The following PLXDC2 variants were observed in gnomAD, a reference collection of about 807,000 sequenced individuals.
PLXDC2 encodes the protein plexin domain containing 2, also known as plexin domain-containing protein 2.
Under a neutral mutation model 68.9 loss-of-function variants are expected in PLXDC2, and 40 were observed. The ratio of observed to expected loss-of-function variants is 0.58; its 90% CI spans 0.45 to 0.76. PLXDC2 has a LOEUF of 0.76. Ranked by LOEUF, PLXDC2 falls within the 30% of genes least tolerant of loss-of-function variation. The pLI is 0.00. For synonymous variants in PLXDC2, 243 were observed against 234.2 expected (o/e 1.04, Z -0.34); for missense variants, 644 against 661.9 (o/e 0.97, Z 0.30).
chr10:20,289,179 A>C lies in PLXDC2; in HGVS notation c.*9360A>C, dbSNP rs911972020. On this transcript the variant is annotated 3_prime_UTR_variant, in exon 14 of 14. Coordinates refer to ENST00000377252, the MANE Select transcript of PLXDC2 (RefSeq NM_032812.9). ...GGCACAAGGCTGATGGCAAGATAGA[A>C]AGTTATTTTGCTTCTAAACCCACCC... is the stretch of plus-strand genomic sequence containing the variant. The C allele has an allele frequency of 6.6e-6, 1 of 152,202 alleles. No individual in the cohort carries two copies. Among genetic ancestry groups the C allele is most frequent in the Non-Finnish European group, 1.5e-5 (1 of 68,048 alleles). The allele number at this position is 152,202 out of a possible 1,614,324, so 9.4% of individuals were successfully genotyped here.
chr10:19,944,584 C>T (rs1833871086), intron 1 of PLXDC2, among the ~76,000 whole-genome samples: 1 of 152,146 alleles, frequency 6.6e-6, no homozygotes, highest in African/African-American at 2.4e-5. Flanking sequence ...CCAGGGCTAC[C>T]ATGTGACTGA....
At chr10:20,100,085 C>A (rs1325708708) in intron 4 of PLXDC2, among the ~76,000 whole-genome samples, 1 of 152,250 alleles carries the variant, frequency 6.6e-6, no homozygotes, top group Non-Finnish European at 1.5e-5. Flanking sequence ...TTAAAGAAAG[C>A]AAAATATGCC....
chr10:20,098,569 T>C (rs1467625371), intron 4 of PLXDC2, among the ~76,000 whole-genome samples: 4 of 152,170 alleles, frequency 2.6e-5, no homozygotes, highest in Non-Finnish European at 5.9e-5. Flanking sequence ...GACATGAAGA[T>C]GTTTATGATG....
intron 4 of PLXDC2, among the ~76,000 whole-genome samples, chr10:20,138,590 T>C (rs565429835): frequency 3.9e-5 from 6 of 152,304 alleles, no homozygotes; most frequent in African/African-American, 1.4e-4. Context: ...CATTATTCTT[T>C]TTAAAGTTAG....
At chr10:19,895,342 A>G (rs1034039334) in intron 1 of PLXDC2, among the ~76,000 whole-genome samples, 1 of 152,158 alleles carries the variant, frequency 6.6e-6, no homozygotes, top group Non-Finnish European at 1.5e-5. Flanking sequence ...CTCCAGCAAA[A>G]TGGTCCAATA....
chr10:19,961,173 T>G (rs1834149030), intron 1 of PLXDC2, among the ~76,000 whole-genome samples: 1 of 152,212 alleles, frequency 6.6e-6, no homozygotes, highest in Non-Finnish European at 1.5e-5. Flanking sequence ...AATTATTGCA[T>G]TGTTCTCCTG....
At chr10:20,210,608 C>G (rs1835056301) in intron 9 of PLXDC2, among the ~76,000 whole-genome samples, 1 of 152,136 alleles carries the variant, frequency 6.6e-6, no homozygotes, top group Non-Finnish European at 1.5e-5. Context: ...AACTGGGTGT[C>G]CCCAAGAAGA....
At chr10:20,051,395 AATATATATATATAT>A (rs57093355) in intron 3 of PLXDC2, among the ~76,000 whole-genome samples, 4,848 of 118,334 alleles carry the variant, frequency 0.041, 195 homozygotes, top group Middle Eastern at 0.071. Context: ...ATAAAGGTTA[AATATATATATATAT>A]ATATATATAT....
chr10:19,953,965 G>A (rs1025711030), intron 1 of PLXDC2, among the ~76,000 whole-genome samples: 4 of 152,134 alleles, frequency 2.6e-5, no homozygotes, highest in African/African-American at 7.2e-5. Context: ...TGTGGGCGGG[G>A]TGATAAAATC....
At chr10:20,215,809 C>T (rs531793364) in intron 10 of PLXDC2, among the ~76,000 whole-genome samples, 1 of 152,040 alleles carries the variant, frequency 6.6e-6, no homozygotes, top group African/African-American at 2.4e-5. Flanking sequence ...GCTGATCATG[C>T]CTATTTATCA....
intron 1 of PLXDC2, among the ~76,000 whole-genome samples, chr10:19,872,671 C>T (rs887198133): frequency 3.3e-5 from 5 of 151,848 alleles, no homozygotes; most frequent in South Asian, 2.1e-4. Context: ...GTTAAGAAAC[C>T]GGGTGGGGCT....
chr10:19,918,825 G>A (rs187854194), intron 1 of PLXDC2, among the ~76,000 whole-genome samples: 4 of 152,068 alleles, frequency 2.6e-5, no homozygotes, highest in Admixed American at 1.3e-4. Context: ...CTTCCCTTTC[G>A]GTATCAAGTA....
In PLXDC2 at chr10:19,847,954, CGATTGCTA is replaced by C. The variant is rs1372971120; in HGVS notation, c.112+30765_112+30772del. On this transcript the variant is annotated intron_variant, in intron 1 of 13. Transcript: ENST00000377252. ...AGAACTATTCATTGTATATACCTAC[CGATTGCTA>C]GGCAGTTAGATGCCAGTGTTAGAAC... Among the ~76,000 whole-genome samples, 5 of 152,172 alleles carry C rather than the reference CGATTGCTA, an allele frequency of 3.3e-5. No homozygotes were observed. The East Asian group carries it at 9.6e-4, about 29-fold the overall frequency.
chr10:20,222,846 T>G (rs1019551202), intron 12 of PLXDC2, among the ~76,000 whole-genome samples: 1 of 152,080 alleles, frequency 6.6e-6, no homozygotes, highest in African/African-American at 2.4e-5. Context: ...ATAAAAAAAT[T>G]AAAAAGAAGA....
chr10:19,995,821 G>T (rs573720983), intron 1 of PLXDC2, among the ~76,000 whole-genome samples: 1 of 152,286 alleles, frequency 6.6e-6, no homozygotes, highest in South Asian at 2.1e-4. Context: ...GTCAAGAGAA[G>T]TTCATTTAAA....
intron 4 of PLXDC2, among the ~76,000 whole-genome samples, chr10:20,115,154 G>A (rs193029784): frequency 8.8e-4 from 134 of 152,246 alleles, no homozygotes; most frequent in African/African-American, 3.0e-3. Context: ...GGGCCAGCAC[G>A]TTACTCTTTC....
At chr10:20,039,126 C>A (rs772846835) in intron 2 of PLXDC2, among the ~76,000 whole-genome samples, 11 of 152,172 alleles carry the variant, frequency 7.2e-5, no homozygotes, top group Non-Finnish European at 1.0e-4. Context: ...ATGTCTTCAA[C>A]CACACTGTAT....
At chr10:19,977,354 A>C (rs1834474594) in intron 1 of PLXDC2, among the ~76,000 whole-genome samples, 2 of 152,228 alleles carry the variant, frequency 1.3e-5, no homozygotes, top group Non-Finnish European at 2.9e-5. Flanking sequence ...AAAATCTTTC[A>C]CAAGATCCCC....
intron 4 of PLXDC2, among the ~76,000 whole-genome samples, chr10:20,075,858 C>G (rs1166420807): frequency 2.6e-5 from 4 of 152,182 alleles, no homozygotes; most frequent in African/African-American, 4.8e-5. Flanking sequence ...GGCTCATCCC[C>G]TTCCATTGCC....
Sources: allele counts gnomAD v4.1 joint callset (sites outside exome capture counted in the v4.1 genomes callset), GRCh38; gene constraint gnomAD v4.1.1; transcripts MANE v1.5; gene names NCBI Gene and HGNC (gene_info 2026-07-23, HGNC 2026-07-21).